KCNK10: variants seen among roughly 807,000 people sequenced by gnomAD.
KCNK10 encodes potassium channel subfamily K member 10.
A neutral mutation model predicts 47.7 loss-of-function variants in KCNK10; 25 were observed. The observed-to-expected ratio is 0.52, with a 90% CI of 0.38 to 0.73. The LOEUF is 0.73. Among genes scored for constraint, KCNK10 ranks in the 30% least tolerant of loss-of-function variants. KCNK10 has a pLI of 0.00. For missense variants in KCNK10, 563 were observed against 714.5 expected (o/e 0.79, Z 2.42); for synonymous variants, 303 against 285.6 (o/e 1.06, Z -0.61).
At chr14:88,256,228 C>T (rs1235198934) in intron 2 of KCNK10, among the ~76,000 whole-genome samples, 1 of 152,158 alleles carries the variant, frequency 6.6e-6, no homozygotes, top group South Asian at 2.1e-4. Flanking sequence ...CCTGGCCCTT[C>T]CTCTAGAAGA....
In KCNK10 at chr14:88,182,216, A is replaced by G. The variant is rs1455726267; in HGVS notation, c.*3319T>C. 1 of 152,334 alleles carries G rather than the reference A, an allele frequency of 6.6e-6. No individual in the cohort carries two copies. Among genetic ancestry groups the G allele is most frequent in the Non-Finnish European group, 1.5e-5 (1 of 68,040 alleles). The allele number at this position is 152,334 out of a possible 1,614,324, so 9.4% of individuals were successfully genotyped here. On this transcript the variant is annotated 3_prime_UTR_variant, in exon 7 of 7. Coordinates refer to ENST00000319231, the MANE Select transcript of KCNK10 (RefSeq NM_138317.3). ...AAACCTCCAGATTTGTCATGCAAGA[A>G]AAATTCAGTGCCTGCTTGCCAGTGA...
At chr14:88,189,252 A>G (rs1423296701) in intron 5 of KCNK10, among the ~76,000 whole-genome samples, 1 of 152,196 alleles carries the variant, frequency 6.6e-6, no homozygotes, top group Non-Finnish European at 1.5e-5. Context: ...GAGGCTCGAC[A>G]GCTGCTGCCA....
chr14:88,261,740 A>T (rs1887117371), intron 2 of KCNK10, among the ~76,000 whole-genome samples: 1 of 151,450 alleles, frequency 6.6e-6, no homozygotes, highest in Non-Finnish European at 1.5e-5. Flanking sequence ...AGCCTAAGTG[A>T]CAGAATGAGA....
rs1884496004 is a variant in KCNK10 at position 88,185,063 on chromosome 14, G to A, written c.*472C>T. 1 of 164,314 alleles carries A rather than the reference G, an allele frequency of 6.1e-6. No individual in the cohort carries two copies. Among genetic ancestry groups the A allele is most frequent in the Non-Finnish European group, 1.3e-5 (1 of 74,824 alleles). The allele number at this position is 164,314 out of a possible 1,614,324, so 10.2% of individuals were successfully genotyped here. On this transcript the variant is annotated 3_prime_UTR_variant, in exon 7 of 7. Coordinates refer to ENST00000319231, the MANE Select transcript of KCNK10 (RefSeq NM_138317.3). The surrounding 1 kb of genome is among the most constrained non-coding windows in gnomAD (Gnocchi z 4.3). ...GTTGGTATCAAAATTCAAGCTCAGA[G>A]CACATGCCAAAATGTCAACTCCAAC...
At chr14:88,219,039 T>C (rs1286747764) in intron 4 of KCNK10, among the ~76,000 whole-genome samples, 2 of 152,248 alleles carry the variant, frequency 1.3e-5, no homozygotes, top group Non-Finnish European at 1.5e-5. Flanking sequence ...TTAGTGGTTC[T>C]AATCCAGGTC....
chr14:88,255,922 G>C (rs146424293), intron 2 of KCNK10, among the ~76,000 whole-genome samples: 1 of 152,284 alleles, frequency 6.6e-6, no homozygotes, highest in East Asian at 1.9e-4. Context: ...AAATGAGCTA[G>C]AGGATTCAAG....
intron 1 of KCNK10, among the ~76,000 whole-genome samples, chr14:88,311,250 T>C (rs76036806): frequency 0.013 from 1,913 of 152,294 alleles, 30 homozygotes; most frequent in South Asian, 0.058. Context: ...CATCATTTGA[T>C]TTATTAGCGA....
intron 4 of KCNK10, among the ~76,000 whole-genome samples, chr14:88,223,478 A>C (rs1885885488): frequency 6.6e-6 from 1 of 152,058 alleles, no homozygotes; most frequent in African/African-American, 2.4e-5. Flanking sequence ...GATCAAAGTG[A>C]GTGCACCTCA....
At chr14:88,302,832 T>G (rs1888130956) in intron 1 of KCNK10, among the ~76,000 whole-genome samples, 1 of 151,968 alleles carries the variant, frequency 6.6e-6, no homozygotes, top group South Asian at 2.1e-4. Flanking sequence ...CTAGGAAGGG[T>G]CAGGGAAAAT....
At chr14:88,199,277 G>C (rs1337985037) in intron 4 of KCNK10, among the ~76,000 whole-genome samples, 1 of 152,186 alleles carries the variant, frequency 6.6e-6, no homozygotes, top group African/African-American at 2.4e-5. Flanking sequence ...AAGGGGGAAA[G>C]AGGTGAAATC....
At position 88,180,604 on chromosome 14, in the gene KCNK10, C is replaced by T. The variant is rs757552955; in HGVS notation, c.*4931G>A. The T allele has an allele frequency of 2.5e-6, 1 of 395,224 alleles. No homozygotes were observed. Among genetic ancestry groups the T allele is most frequent in the African/African-American group, 2.1e-5 (1 of 48,510 alleles). The allele number at this position is 395,224 out of a possible 1,614,324, so 24.5% of individuals were successfully genotyped here. ...CAGGGAACTATTTCAGATTTTTCAC[C>T]TAAGAATCAAGAACACAAAGTAGAT... On this transcript the variant is annotated 3_prime_UTR_variant, in exon 7 of 7. Transcript: ENST00000319231.
chr14:88,199,832 A>G (rs906799637), intron 4 of KCNK10, among the ~76,000 whole-genome samples: 3 of 152,158 alleles, frequency 2.0e-5, no homozygotes, highest in African/African-American at 7.2e-5. Context: ...CTGTGACCTT[A>G]TTTATCTTGC....
chr14:88,182,065 C>CAA lies in KCNK10; in HGVS notation c.*3469_*3470insTT, dbSNP rs1190233783. The CAA allele has an allele frequency of 6.4e-6, 1 of 155,168 alleles. No homozygotes were observed. The highest frequency in any genetic ancestry group is 1.4e-5 in the Non-Finnish European group (1 of 70,856). 9.6% of individuals were successfully genotyped at this position (155,168 alleles called of 1,614,324 possible). Reference sequence around the variant, plus strand: ...ACACACACACACACACACACACACACACACACACACACACACACACTCTAT... The same window carrying CAA: ...ACACACACACACACACACACACACACAAACACACACACACACACACACTCTAT... On this transcript the variant is annotated 3_prime_UTR_variant, in exon 7 of 7. Transcript: ENST00000319231.
chr14:88,212,449 A>G (rs1566687441), intron 4 of KCNK10, among the ~76,000 whole-genome samples: 1 of 148,718 alleles, frequency 6.7e-6, no homozygotes. Flanking sequence ...TCAAAAAAAG[A>G]AAAAAAAAAG....
intron 1 of KCNK10, among the ~76,000 whole-genome samples, chr14:88,288,733 C>T (rs575256303): frequency 6.6e-6 from 1 of 152,340 alleles, no homozygotes; most frequent in South Asian, 2.1e-4. Flanking sequence ...CGCCCAGCCA[C>T]ACTGGTCTTC....
At chr14:88,227,602 G>A in intron 3 of KCNK10, 67 bp from the exon 4 acceptor site, 1 of 1,454,288 alleles carries the variant, frequency 6.9e-7, no homozygotes. Context: ...AGAACTCACA[G>A]ACTTTTTTAA....
At position 88,281,727 on chromosome 14, in the gene KCNK10, C is replaced by CATATATATATAT. The variant is rs10541410; in HGVS notation, c.53-18188_53-18177dup. Among the ~76,000 whole-genome samples, 127 of 141,736 alleles carry CATATATATATAT rather than the reference C, an allele frequency of 9.0e-4. 2 individuals carry two copies. Among genetic ancestry groups the CATATATATATAT allele is most frequent in the African/African-American group, 3.3e-3 (122 of 37,028 alleles). The allele number at this position is 141,736 out of a possible 152,430, so 93.0% of individuals were successfully genotyped here. ...ATAAATAAATCTCTCTCTCTCTCTC[C>CATATATATATAT]ATATATATATATATATATATATATA... On this transcript the variant is annotated intron_variant, in intron 1 of 6. Coordinates refer to ENST00000319231, the MANE Select transcript of KCNK10 (RefSeq NM_138317.3).
At chr14:88,281,237 A>G (rs1887643343) in intron 1 of KCNK10, among the ~76,000 whole-genome samples, 1 of 152,156 alleles carries the variant, frequency 6.6e-6, no homozygotes, top group South Asian at 2.1e-4. Context: ...TTTGGGTCTC[A>G]GTTTAAATGT....
At chr14:88,199,640 A>T (rs956196709) in intron 4 of KCNK10, among the ~76,000 whole-genome samples, 1 of 152,154 alleles carries the variant, frequency 6.6e-6, no homozygotes, top group African/African-American at 2.4e-5. Context: ...CTTCCCACCC[A>T]TCTCTTAGCT....
Sources: gnomAD v4.1 joint callset for allele counts (sites outside exome capture counted in the v4.1 genomes callset) on GRCh38, gnomAD v4.1.1 for gene constraint, Gnocchi (gnomAD v3.1) non-coding constraint, MANE v1.5 for transcripts, NCBI Gene and HGNC (gene_info 2026-07-23, HGNC 2026-07-21) for gene names.